The following TYW1 variants were observed in gnomAD, a reference collection of about 807,000 sequenced individuals.
The protein encoded by TYW1 is S-adenosyl-L-methionine-dependent tRNA 4-demethylwyosine synthase TYW1.
TYW1 carries 46 observed loss-of-function variants against 96.2 expected under a neutral mutation model. That is an observed-to-expected ratio of 0.48 (90% CI 0.38 to 0.61). The LOEUF is 0.61. Among genes scored for constraint, TYW1 ranks in the 20% least tolerant of loss-of-function variants. TYW1 has a pLI of 0.00. For missense variants in TYW1, 684 were observed against 909.6 expected, an observed-to-expected ratio of 0.75 and a Z score of 3.19; for synonymous variants, 274 against 323.0, an observed-to-expected ratio of 0.85 and a Z score of 1.63.
intron 7 of TYW1, among the ~76,000 whole-genome samples, chr7:67,044,130 T>G (rs940894897): frequency 2.7e-5 from 4 of 150,850 alleles, no homozygotes; most frequent in African/African-American, 9.7e-5. Context: ...TTTTTTTTTT[T>G]GAGATGAAGT....
intron 9 of TYW1, among the ~76,000 whole-genome samples, chr7:67,063,866 TGC>T (rs1164517321): frequency 7.6e-6 from 1 of 131,148 alleles, no homozygotes; most frequent in African/African-American, 2.9e-5. Flanking sequence ...CCTCCCAAAG[TGC>T]TGGATTACAG....
intron 13 of TYW1, among the ~76,000 whole-genome samples, chr7:67,121,795 T>C (rs1797767678): frequency 6.6e-6 from 1 of 151,282 alleles, no homozygotes; most frequent in Admixed American, 6.6e-5. Context: ...GAAGGTAGCA[T>C]ATTTTGTTTT....
chr7:67,067,194 A>C (rs1795892856), intron 9 of TYW1, 91 bp from the exon 10 acceptor site: 1 of 1,395,662 alleles, frequency 7.2e-7, no homozygotes, highest in East Asian at 2.3e-5. Flanking sequence ...TGGTTACGAA[A>C]CACATGGTTT....
At chr7:67,086,686 A>G (rs2690154) in intron 11 of TYW1, among the ~76,000 whole-genome samples, 3 of 152,296 alleles carry the variant, frequency 2.0e-5, no homozygotes, top group Admixed American at 6.5e-5. Context: ...AAAGCCTTCA[A>G]ATGATTGGAT....
chr7:67,023,834 C>A (rs1342404501), intron 6 of TYW1, among the ~76,000 whole-genome samples: 1 of 152,240 alleles, frequency 6.6e-6, no homozygotes, highest in South Asian at 2.1e-4. Context: ...TCTGCCTTAT[C>A]CTCAATTGGA....
chr7:67,002,331 C>T (rs935651849), intron 3 of TYW1, among the ~76,000 whole-genome samples: 2 of 128,434 alleles, frequency 1.6e-5, no homozygotes, highest in Non-Finnish European at 3.4e-5. Context: ...CTATGCCCAG[C>T]CCATCTCAAT....
chr7:67,020,662 AT>A (rs1794220780), intron 6 of TYW1, among the ~76,000 whole-genome samples: 2 of 152,400 alleles, frequency 1.3e-5, no homozygotes, highest in African/African-American at 4.8e-5. Flanking sequence ...TGACTCTTGA[AT>A]TTCTCCATTG....
Position 67,157,172 on chromosome 7 carries a change from C to T in TYW1, c.1699-25954C>T, listed in dbSNP as rs184085042. ...CAGTTTTAGATTTACAGAAAAATTA[C>T]AAAGATAGTACAGAATTCCCATGCA... On this transcript the variant is annotated intron_variant, in intron 13 of 15. Transcript: ENST00000359626. Among the ~76,000 whole-genome samples, 573 of 152,226 alleles carry T rather than the reference C, an allele frequency of 3.8e-3. 8 individuals are homozygous for T. Among genetic ancestry groups the T allele is most frequent in the Admixed American group, 3.3e-3 (51 of 15,288 alleles).
At chr7:67,120,955 T>A (rs1282979244) in intron 13 of TYW1, among the ~76,000 whole-genome samples, 3 of 152,260 alleles carry the variant, frequency 2.0e-5, no homozygotes, top group Non-Finnish European at 4.4e-5. Flanking sequence ...TTTGGGCAAT[T>A]TAAACTGCCC....
At chr7:67,078,007 A>G (rs1316099006) in intron 10 of TYW1, among the ~76,000 whole-genome samples, 4 of 151,638 alleles carry the variant, frequency 2.6e-5, no homozygotes, top group South Asian at 4.2e-4. Context: ...TGGGTTCTCT[A>G]TTTTGTTCTG....
At chr7:67,159,783 A>ATTTTATTTT (rs1799100200) in intron 13 of TYW1, among the ~76,000 whole-genome samples, 2 of 147,530 alleles carry the variant, frequency 1.4e-5, no homozygotes, top group African/African-American at 5.0e-5. Flanking sequence ...AATATCACAA[A>ATTTTATTTT]ATTTTATTTT....
At chr7:67,115,857 C>T (rs36039221) in intron 12 of TYW1, among the ~76,000 whole-genome samples, 1 of 152,008 alleles carries the variant, frequency 6.6e-6, no homozygotes, top group Non-Finnish European at 1.5e-5. Flanking sequence ...AAAAAATGCA[C>T]AAAACTTCTA....
At position 67,213,599 on chromosome 7, in the gene TYW1, C is replaced by A. The variant is rs1801112627; in HGVS notation, c.1977+18262C>A. On this transcript the variant is annotated intron_variant, in intron 15 of 15. Transcript: ENST00000359626. The stretch of plus-strand genomic sequence containing the variant: ...ACTTTTGATGGTGTATCTAAAAATT[C>A]ATTGTGACATTCAAGGTCACCTAGA... Among the ~76,000 whole-genome samples the A allele has an allele frequency of 2.6e-5, 4 of 152,122 alleles. 1 individual carries two copies. The highest frequency in any genetic ancestry group is 9.7e-5 in the African/African-American group (4 of 41,414).
At chr7:67,207,895 A>G (rs1372919049) in intron 15 of TYW1, among the ~76,000 whole-genome samples, 5 of 151,678 alleles carry the variant, frequency 3.3e-5, no homozygotes, top group Non-Finnish European at 5.9e-5. Context: ...TATTTTTTGT[A>G]TTTTTAGTAG....
chr7:67,164,408 G>A (rs1799258193), intron 13 of TYW1, among the ~76,000 whole-genome samples: 2 of 151,822 alleles, frequency 1.3e-5, no homozygotes, highest in African/African-American at 4.8e-5. Flanking sequence ...TCAGGAGTTC[G>A]AGACAAGCCT....
At chr7:67,004,715 A>G (rs1301991195) in intron 3 of TYW1, among the ~76,000 whole-genome samples, 1 of 152,082 alleles carries the variant, frequency 6.6e-6, no homozygotes, top group Admixed American at 6.6e-5. Flanking sequence ...TCCTTCGCTT[A>G]TGAAGCTTAA....
At chr7:67,175,317 A>G (rs1799638510) in intron 13 of TYW1, among the ~76,000 whole-genome samples, 2 of 152,204 alleles carry the variant, frequency 1.3e-5, no homozygotes, top group African/African-American at 4.8e-5. Flanking sequence ...GACTACAGGC[A>G]TGTGCCATCA....
chr7:66,999,634 G>A (rs1484964445), intron 3 of TYW1, among the ~76,000 whole-genome samples: 3 of 152,176 alleles, frequency 2.0e-5, no homozygotes, highest in Non-Finnish European at 1.5e-5. Context: ...GATTACAGGC[G>A]TGAGCCACTG....
chr7:67,185,885 C>T (rs1411867510), intron 14 of TYW1, among the ~76,000 whole-genome samples: 1 of 143,564 alleles, frequency 7.0e-6, no homozygotes, highest in Non-Finnish European at 1.5e-5. Context: ...CTGTCTGTGT[C>T]ATATCAGAGG....
Sources: gnomAD v4.1 joint callset for allele counts (sites outside exome capture counted in the v4.1 genomes callset) on GRCh38, gnomAD v4.1.1 for gene constraint, MANE v1.5 for transcripts, NCBI Gene and HGNC (gene_info 2026-07-23, HGNC 2026-07-21) for gene names.